The following FSIP1 variants were observed in gnomAD, a reference collection of about 807,000 sequenced individuals.
FSIP1 encodes the protein fibrous sheath interacting protein 1, also known as fibrous sheath-interacting protein 1.
A neutral mutation model predicts 60.9 loss-of-function variants in FSIP1; 65 were observed. That is an observed-to-expected ratio of 1.07 (90% CI 0.87 to 1.31). The LOEUF (loss-of-function observed/expected upper bound fraction) is 1.31, where lower values mean the gene tolerates loss of function less well. Ranked by LOEUF, FSIP1 falls within the 40% of genes most tolerant of loss-of-function variation. The pLI, the probability that FSIP1 is intolerant of heterozygous loss-of-function variation, is 0.00. For synonymous variants in FSIP1, 209 were observed against 221.2 expected, an observed-to-expected ratio of 0.94 and a Z score of 0.49; for missense variants, 675 against 665.5, an observed-to-expected ratio of 1.01 and a Z score of -0.16.
chr15:39,643,163 A>G (rs945162955), intron 10 of FSIP1, among the ~76,000 whole-genome samples: 4 of 152,214 alleles, frequency 2.6e-5, no homozygotes, highest in Non-Finnish European at 5.9e-5. Context: ...TAAGTTCAAT[A>G]AAAAGTGGGA....
chr15:39,648,927 G>A (rs1382713856), intron 10 of FSIP1, among the ~76,000 whole-genome samples: 5 of 151,708 alleles, frequency 3.3e-5, no homozygotes, highest in Non-Finnish European at 1.5e-5. Context: ...TTTCAGACTG[G>A]GATTTCTTGT....
chr15:39,658,251 AT>A (rs71132110), intron 10 of FSIP1, among the ~76,000 whole-genome samples: 1,088 of 105,188 alleles, frequency 0.01, 5 homozygotes, highest in East Asian at 0.02. Flanking sequence ...AGCAGACATG[AT>A]TTTTTTTTTT....
At chr15:39,608,754 C>A (rs965474516) in intron 11 of FSIP1, among the ~76,000 whole-genome samples, 10 of 152,158 alleles carry the variant, frequency 6.6e-5, no homozygotes, top group Admixed American at 5.2e-4. Context: ...TTGCTCAGCT[C>A]CCATACCCCC....
chr15:39,615,414 C>CAAAAAAAAAAA (rs576946264), intron 11 of FSIP1, among the ~76,000 whole-genome samples: 1 of 51,722 alleles, frequency 1.9e-5, no homozygotes, highest in African/African-American at 8.2e-5. Flanking sequence ...AACTCAATAG[C>CAAAAAAAAAAA]AAAAAAAAAA....
At chr15:39,711,619 G>A (rs1448736611) in intron 10 of FSIP1, among the ~76,000 whole-genome samples, 1 of 147,582 alleles carries the variant, frequency 6.8e-6, no homozygotes, top group South Asian at 2.1e-4. Context: ...ATGTACTATC[G>A]TTACCACTAC....
chr15:39,704,520 G>A (rs921846331), intron 10 of FSIP1, among the ~76,000 whole-genome samples: 2 of 152,236 alleles, frequency 1.3e-5, no homozygotes, highest in Non-Finnish European at 2.9e-5. Flanking sequence ...CTATACGGAC[G>A]TGACTTAGAG....
chr15:39,620,926 C>A (rs73391292), intron 10 of FSIP1, among the ~76,000 whole-genome samples: 4,468 of 151,240 alleles, frequency 0.03, 246 homozygotes, highest in African/African-American at 0.1. Context: ...AATAAAAATG[C>A]ACTTAGAAAT....
chr15:39,752,069 T>A (rs1285303682), intron 5 of FSIP1, among the ~76,000 whole-genome samples: 1 of 152,010 alleles, frequency 6.6e-6, no homozygotes, highest in Non-Finnish European at 1.5e-5. Flanking sequence ...GAAAAGAAAG[T>A]CATCATCATT....
In FSIP1 at chr15:39,728,993, G is replaced by A. The variant is rs187601003; in HGVS notation, c.892-2246C>T. ...TAGCCAACAAGCATATGAAAAAAAC[G>A]CTCGACATCACTAATCATTTGAAAA... On this transcript the variant is annotated intron_variant, in intron 8 of 11. Transcript: ENST00000350221. 9.2e-4 allele frequency among the ~76,000 whole-genome samples: 140 copies of A among 152,038 alleles called. 1 individual carries two copies. The highest frequency in any genetic ancestry group is 3.1e-3 in the African/African-American group (130 of 41,468).
intron 9 of FSIP1, among the ~76,000 whole-genome samples, chr15:39,723,587 G>A (rs945817513): frequency 1.3e-5 from 2 of 152,166 alleles, no homozygotes; most frequent in Admixed American, 6.5e-5. Flanking sequence ...TTTAAGTTCT[G>A]TAAAATTCCT....
At chr15:39,625,471 G>T (rs1243130018) in intron 10 of FSIP1, among the ~76,000 whole-genome samples, 1 of 152,184 alleles carries the variant, frequency 6.6e-6, no homozygotes, top group African/African-American at 2.4e-5. Context: ...TTCTAACAGG[G>T]TGACTTTGCT....
intron 10 of FSIP1, among the ~76,000 whole-genome samples, chr15:39,707,937 C>T (rs994283859): frequency 3.3e-5 from 5 of 152,112 alleles, no homozygotes; most frequent in Admixed American, 6.5e-5. Flanking sequence ...GCCTGTAGAG[C>T]GCCCCAACCA....
chr15:39,713,076 GTTAT>G (rs1296522937), intron 10 of FSIP1, among the ~76,000 whole-genome samples: 3 of 152,016 alleles, frequency 2.0e-5, no homozygotes, highest in Admixed American at 6.6e-5. Flanking sequence ...TGTTTTATAT[GTTAT>G]TTAATGTTTT....
At chr15:39,780,120 A>AT (rs1233934292) in intron 1 of FSIP1, among the ~76,000 whole-genome samples, 1 of 152,172 alleles carries the variant, frequency 6.6e-6, no homozygotes, top group Non-Finnish European at 1.5e-5. Flanking sequence ...TGCAGGTCTC[A>AT]TTTTTTTAGG....
At position 39,753,017 on chromosome 15, in the gene FSIP1, G is replaced by C. The variant is rs564000754; in HGVS notation, c.559+10804C>G. On this transcript the variant is annotated intron_variant, in intron 5 of 11. Coordinates refer to ENST00000350221, the MANE Select transcript of FSIP1 (RefSeq NM_152597.5). ...GAGGATGTACAAACAATATGAAAAA[G>C]AATTATTATTTAAAAGACTATCTGA... Among the ~76,000 whole-genome samples, 4 of 152,116 alleles carry C rather than the reference G, an allele frequency of 2.6e-5. No homozygotes were observed. The South Asian group carries it at 6.2e-4, about 24-fold the overall frequency.
At chr15:39,774,993 T>C (rs1898005872) in intron 2 of FSIP1, among the ~76,000 whole-genome samples, 1 of 152,200 alleles carries the variant, frequency 6.6e-6, no homozygotes, top group Non-Finnish European at 1.5e-5. Flanking sequence ...CTGTTGATTT[T>C]GAGGAACTAA....
chr15:39,722,102 C>T (rs1447466085), intron 9 of FSIP1, among the ~76,000 whole-genome samples: 9 of 152,234 alleles, frequency 5.9e-5, no homozygotes, highest in African/African-American at 1.9e-4. Context: ...ACCGCCTGAG[C>T]TCTCCCTCCT....
chr15:39,720,574 T>C (rs1285988683), intron 9 of FSIP1, among the ~76,000 whole-genome samples: 1 of 152,184 alleles, frequency 6.6e-6, no homozygotes, highest in East Asian at 1.9e-4. Flanking sequence ...TAAAATATAC[T>C]TGTATATAAC....
At chr15:39,707,788 G>A (rs965313918) in intron 10 of FSIP1, among the ~76,000 whole-genome samples, 3 of 152,068 alleles carry the variant, frequency 2.0e-5, no homozygotes, top group Non-Finnish European at 4.4e-5. Context: ...ACCTGCCAAG[G>A]TCACACAGCT....
Sources: allele counts gnomAD v4.1 joint callset (sites outside exome capture counted in the v4.1 genomes callset), GRCh38; gene constraint gnomAD v4.1.1; transcripts MANE v1.5; gene names NCBI Gene and HGNC (gene_info 2026-07-23, HGNC 2026-07-21).